ZNF331: variants seen among roughly 807,000 people sequenced by gnomAD.
ZNF331 encodes zinc finger protein 331.
ZNF331 carries 2 observed loss-of-function variants against 7.0 expected under a neutral mutation model. The observed-to-expected ratio is 0.29, with a 90% CI of 0.12 to 0.90. ZNF331 has a LOEUF of 0.90. ZNF331 is among the 40% of genes least tolerant of loss of function. The pLI is 0.58. For missense variants in ZNF331, 432 were observed against 587.7 expected, an observed-to-expected ratio of 0.74 and a Z score of 2.74; for synonymous variants, 196 against 205.4, an observed-to-expected ratio of 0.95 and a Z score of 0.39.
chr19:53,557,192 A>C (rs1456440322), intron 3 of ZNF331, among the ~76,000 whole-genome samples: 1 of 151,934 alleles, frequency 6.6e-6, no homozygotes, highest in Non-Finnish European at 1.5e-5. Context: ...TCCTGAGCTC[A>C]AGCAATCCTC....
upstream of ZNF331, among the ~76,000 whole-genome samples, chr19:53,520,298 C>T (rs2087017654): frequency 6.6e-6 from 1 of 152,244 alleles, no homozygotes; most frequent in East Asian, 1.9e-4. Flanking sequence ...ATACCCGCCT[C>T]GGCCTCCCAA....
intron 3 of ZNF331, among the ~76,000 whole-genome samples, chr19:53,562,457 A>G (rs1217358970): frequency 6.6e-6 from 1 of 152,158 alleles, no homozygotes; most frequent in Non-Finnish European, 1.5e-5. Context: ...TGGGAGGCCA[A>G]AGCGGGTGGA....
At chr19:53,570,705 T>C (rs1322603383) in intron 4 of ZNF331, among the ~76,000 whole-genome samples, 1 of 151,726 alleles carries the variant, frequency 6.6e-6, no homozygotes, top group Non-Finnish European at 1.5e-5. Flanking sequence ...GCTAATTTTG[T>C]ATTTTAAGTA....
upstream of ZNF331, among the ~76,000 whole-genome samples, chr19:53,516,435 C>T (rs11880454): frequency 0.064 from 9,117 of 141,546 alleles, 314 homozygotes; most frequent in East Asian, 0.16. Context: ...GACAACAGAA[C>T]GAGACTCCAT....
At chr19:53,506,349 A>G in the ZNF331 span, among the ~76,000 whole-genome samples, 226 of 149,866 alleles carry the variant, frequency 1.5e-3, 2 homozygotes, top group Middle Eastern at 3.5e-3. Context: ...AAAAAAAAAA[A>G]AAAGAAAAGA....
the ZNF331 span, among the ~76,000 whole-genome samples, chr19:53,505,075 G>T: frequency 2.0e-5 from 3 of 152,186 alleles, no homozygotes; most frequent in Non-Finnish European, 4.4e-5. Flanking sequence ...AGTTCATGGG[G>T]TTGAGCTGAC....
In ZNF331 at chr19:53,571,858, C is replaced by A. The variant is rs1216599753; in HGVS notation, c.136+128C>A. 2 of 1,286,284 alleles carry A rather than the reference C, an allele frequency of 1.6e-6. No homozygotes were observed. Among genetic ancestry groups the A allele is most frequent in the East Asian group, 2.5e-5 (1 of 40,602 alleles). The allele number at this position is 1,286,284 out of a possible 1,614,324, so 79.7% of individuals were successfully genotyped here. A position where few individuals can be genotyped will look rare whatever the true frequency, so the allele number is the denominator to read the frequency against. On this transcript the variant is annotated intron_variant, in intron 5 of 5. Coordinates refer to ENST00000449416, the MANE Select transcript of ZNF331 (RefSeq NM_001079906.2). This position sits in a 1 kb window ranked among gnomAD's most constrained non-coding sequence, Gnocchi z 4.7. ...CCTGTCCCCAAGGAATGTATTGAGC[C>A]TTATTGATGTGGCCGTGAGCACCAC...
the ZNF331 span, among the ~76,000 whole-genome samples, chr19:53,509,688 G>A: frequency 6.6e-6 from 1 of 152,192 alleles, no homozygotes; most frequent in Non-Finnish European, 1.5e-5. Context: ...AGCCTCTGTG[G>A]TAGGGCTGAT....
In ZNF331 at chr19:53,560,706, C is replaced by T. The variant is rs2089830876; in HGVS notation, c.-74+4798C>T. 6.6e-6 allele frequency among the ~76,000 whole-genome samples: 1 copy of T among 152,134 alleles called. No individual in the cohort carries two copies. The highest frequency in any genetic ancestry group is 2.4e-5 in the African/African-American group (1 of 41,436). The stretch of plus-strand genomic sequence containing the variant: ...TGGCTTCTAGACGCCGCCCACACTC[C>T]TTAGTTCGTGACCCCTTCTTCCATC... On this transcript the variant is annotated intron_variant, in intron 3 of 5. Coordinates refer to ENST00000449416, the MANE Select transcript of ZNF331 (RefSeq NM_001079906.2). The surrounding 1 kb of genome is among the most constrained non-coding windows in gnomAD (Gnocchi z 4.3).
At position 53,577,032 on chromosome 19, in the gene ZNF331, C is replaced by A. The variant is rs781255243; in HGVS notation, c.472C>A (p.Pro158Thr). 1 of 1,613,498 alleles carries A rather than the reference C, an allele frequency of 6.2e-7. No individual in the cohort carries two copies. Reference protein sequence around the residue: ...QHQKIHTGEKPYECKECKKAF... With the variant: ...QHQKIHTGEKTYECKECKKAF... ...TCAGAAAATCCATACTGGTGAGAAACCTTATGAATGTAAAGAATGTAAGAA... is the reference window on the plus strand; with the variant it reads ...TCAGAAAATCCATACTGGTGAGAAAACTTATGAATGTAAAGAATGTAAGAA... The change falls in exon 6 of 6, where the codon CCT becomes ACT. Residue 158 changes from proline (P) to threonine (T), a missense_variant. Coordinates refer to ENST00000449416, the MANE Select transcript of ZNF331 (RefSeq NM_001079906.2).
intron 2 of ZNF331, among the ~76,000 whole-genome samples, chr19:53,529,956 A>G (rs2087467366): frequency 6.6e-6 from 1 of 151,708 alleles, no homozygotes; most frequent in Non-Finnish European, 1.5e-5. Context: ...TTGCATTGCT[A>G]TCAAGAAATC....
chr19:53,533,039 T>G (rs2087602026), intron 2 of ZNF331, among the ~76,000 whole-genome samples: 1 of 151,764 alleles, frequency 6.6e-6, no homozygotes, highest in Admixed American at 6.6e-5. Flanking sequence ...TATTATTCCT[T>G]TCATTACTAT....
chr19:53,517,095 G>A (rs1264923181), upstream of ZNF331, among the ~76,000 whole-genome samples: 1 of 152,134 alleles, frequency 6.6e-6, no homozygotes, highest in Non-Finnish European at 1.5e-5. Context: ...ATCATGGACA[G>A]TAATGACTTG....
rs1265715763 is a variant in ZNF331, at chr19:53,560,131, C to T, written c.-74+4223C>T. The stretch of plus-strand genomic sequence containing the variant: ...CCATACACACACATATATACACACA[C>T]CATATATATACACACATATATACAC... On this transcript the variant is annotated intron_variant, in intron 3 of 5. Transcript: ENST00000449416. This position sits in a 1 kb window ranked among gnomAD's most constrained non-coding sequence, Gnocchi z 4.3. Among the ~76,000 whole-genome samples the T allele has an allele frequency of 6.8e-6, 1 of 147,648 alleles. No homozygotes were observed. The highest frequency in any genetic ancestry group is 2.6e-5 in the African/African-American group (1 of 38,486).
chr19:53,547,565 G>T (rs532132240), intron 2 of ZNF331, among the ~76,000 whole-genome samples: 1 of 152,224 alleles, frequency 6.6e-6, no homozygotes, highest in Admixed American at 6.5e-5. Flanking sequence ...GGATTGCTGC[G>T]TCATCTGATA....
upstream of ZNF331, among the ~76,000 whole-genome samples, chr19:53,517,711 C>A (rs1451962420): frequency 2.6e-5 from 4 of 152,152 alleles, no homozygotes; most frequent in Non-Finnish European, 5.9e-5. Flanking sequence ...CATCTGCAAG[C>A]TGAGGAAGAA....
intron 3 of ZNF331, among the ~76,000 whole-genome samples, chr19:53,564,977 A>G: frequency 6.6e-6 from 1 of 152,226 alleles, no homozygotes; most frequent in Admixed American, 6.5e-5. Flanking sequence ...GCATGCATTC[A>G]TATACTACTA....
At chr19:53,505,507 T>C in the ZNF331 span, among the ~76,000 whole-genome samples, 2 of 152,136 alleles carry the variant, frequency 1.3e-5, no homozygotes, top group Non-Finnish European at 2.9e-5. Context: ...ACTGAAACAC[T>C]TTTAGTCCTG....
chr19:53,559,449 C>T (rs1481622136), intron 3 of ZNF331, among the ~76,000 whole-genome samples: 1 of 148,140 alleles, frequency 6.8e-6, no homozygotes, highest in Non-Finnish European at 1.5e-5. Context: ...TACATATATA[C>T]ACACATATAT....
Sources: allele counts gnomAD v4.1 joint callset (sites outside exome capture counted in the v4.1 genomes callset), GRCh38; gene constraint gnomAD v4.1.1; non-coding constraint Gnocchi (gnomAD v3.1); transcripts MANE v1.5; gene names NCBI Gene and HGNC (gene_info 2026-07-23, HGNC 2026-07-21).